IDH2: variants seen among roughly 807,000 people sequenced by gnomAD.
The protein encoded by IDH2 is isocitrate dehydrogenase (NADP(+)) 2, also known as isocitrate dehydrogenase [NADP], mitochondrial.
In IDH2, 18 loss-of-function variants were observed where a neutral mutation model predicts 50.5. The ratio of observed to expected loss-of-function variants is 0.36; its 90% CI spans 0.25 to 0.53. The LOEUF is 0.53. Ranked by LOEUF, IDH2 falls within the 20% of genes least tolerant of loss-of-function variation. The pLI, the probability that IDH2 is intolerant of heterozygous loss-of-function variation, is 0.92. For missense variants in IDH2, 518 were observed against 610.7 expected, an observed-to-expected ratio of 0.85 and a Z score of 1.60; for synonymous variants, 280 against 239.8, an observed-to-expected ratio of 1.17 and a Z score of -1.55.
chr15:90,097,831 C>A (rs556197207), intron 1 of IDH2, among the ~76,000 whole-genome samples: 1 of 152,078 alleles, frequency 6.6e-6, no homozygotes, highest in Non-Finnish European at 1.5e-5. Context: ...ACGTTTTTTA[C>A]CAAAATAATA....
rs1165095634 is a variant in IDH2, at chr15:90,087,429, G to A, written c.815+10C>T. ...AAGAAAGGCCACAGAGTACATGGAT[G>A]AGGCTTTACTTGTCAAAGATCTCCT... On this transcript the variant is annotated intron_variant, in intron 6 of 10. Coordinates refer to ENST00000330062, the MANE Select transcript of IDH2 (RefSeq NM_002168.4). The A allele has an allele frequency of 4.3e-6, 7 of 1,614,128 alleles. No individual in the cohort carries two copies. The South Asian group carries it at 7.7e-5, about 18-fold the overall frequency.
intron 1 of IDH2, among the ~76,000 whole-genome samples, chr15:90,093,377 C>G (rs536140896): frequency 1.3e-5 from 2 of 152,288 alleles, no homozygotes; most frequent in Middle Eastern, 3.4e-3. Flanking sequence ...CTATGAGCTA[C>G]GCTGTGTAGC....
intron 5 of IDH2, among the ~76,000 whole-genome samples, chr15:90,087,997 A>T (rs1362336734): frequency 6.6e-6 from 1 of 152,014 alleles, no homozygotes; most frequent in East Asian, 1.9e-4. Flanking sequence ...TCAGCCTGGC[A>T]TTGGAGCTGG....
chr15:90,089,655 G>A (rs928893776), intron 3 of IDH2, among the ~76,000 whole-genome samples: 1 of 152,232 alleles, frequency 6.6e-6, no homozygotes, highest in South Asian at 2.1e-4. Context: ...ATTTGCAGAT[G>A]TATCTCGAGT....
At chr15:90,092,409 TTC>T (rs1223196235) in intron 1 of IDH2, among the ~76,000 whole-genome samples, 6 of 67,254 alleles carry the variant, frequency 8.9e-5, no homozygotes, top group Non-Finnish European at 1.7e-4. Context: ...CTTCCTCCCT[TTC>T]TCTCTCTCTT....
rs549177872 is a variant in IDH2 at position 90,102,375 on chromosome 15, G to A, written c.16C>T (p.Arg6Trp). ...GCTCTGCAGAGCGAGCGCACGACCCGCAGGTAGCCGGCCATCCCAAGCTGG... is the reference window on the plus strand; with the variant it reads ...GCTCTGCAGAGCGAGCGCACGACCCACAGGTAGCCGGCCATCCCAAGCTGG... Reference protein sequence around the residue: MAGYLRVVRSLCRASG... With the variant: MAGYLWVVRSLCRASG... The change falls in exon 1 of 11, where the codon CGG becomes TGG. Residue 6 changes from arginine to tryptophan, a missense_variant. Arg to Trp is a moderately radical substitution (Grantham distance 101). This residue lies in a region of IDH2 where 85 missense variants were observed against 66.9 expected (regional missense o/e 1.27). Coordinates refer to ENST00000330062, the MANE Select transcript of IDH2 (RefSeq NM_002168.4). 2.2e-6 allele frequency: 3 copies of A among 1,360,570 alleles called. No individual in the cohort carries two copies. The highest frequency in any genetic ancestry group is 1.6e-5 in the South Asian group (1 of 61,832). The allele number at this position is 1,360,570 out of a possible 1,614,324, so 84.3% of individuals were successfully genotyped here. A position where few individuals can be genotyped will look rare whatever the true frequency, so the allele number is the denominator to read the frequency against.
At position 90,094,059 on chromosome 15, in the gene IDH2, G is replaced by A. The variant is rs376568228; in HGVS notation, c.116-2415C>T. Reference sequence around the variant, plus strand: ...GGAAGGACAGGCTTACAGCACCTGCGAATGGAACTCAGAACCCTTGATCCC... The same window carrying A: ...GGAAGGACAGGCTTACAGCACCTGCAAATGGAACTCAGAACCCTTGATCCC... On this transcript the variant is annotated intron_variant, in intron 1 of 10. Coordinates refer to ENST00000330062, the MANE Select transcript of IDH2 (RefSeq NM_002168.4). 6.6e-5 allele frequency among the ~76,000 whole-genome samples: 10 copies of A among 152,280 alleles called. No homozygotes were observed. In the East Asian group the frequency reaches 9.6e-4, roughly 15 times the overall value.
At chr15:90,092,814 G>C (rs1380175928) in intron 1 of IDH2, among the ~76,000 whole-genome samples, 2 of 152,296 alleles carry the variant, frequency 1.3e-5, no homozygotes, top group East Asian at 3.9e-4. Context: ...CTGACCTCAA[G>C]TGATCCACCT....
intron 1 of IDH2, among the ~76,000 whole-genome samples, chr15:90,094,692 G>A (rs1464767353): frequency 1.3e-5 from 2 of 152,166 alleles, no homozygotes; most frequent in African/African-American, 4.8e-5. Flanking sequence ...GATCACTCAA[G>A]GTAAGGAGTT....
chr15:90,089,186 T>A (rs1453662164), intron 3 of IDH2, among the ~76,000 whole-genome samples: 4 of 152,028 alleles, frequency 2.6e-5, no homozygotes, highest in Non-Finnish European at 5.9e-5. Flanking sequence ...AGTGCTGGGA[T>A]TACAGGTGTG....
Position 90,100,622 on chromosome 15 carries a change from A to G in IDH2, c.115+1654T>C. 2 of 985,428 alleles carry G rather than the reference A, an allele frequency of 2.0e-6. No individual in the cohort carries two copies. The highest frequency in any genetic ancestry group is 2.4e-6 in the Non-Finnish European group (2 of 829,928). The allele number at this position is 985,428 out of a possible 1,614,324, so 61.0% of individuals were successfully genotyped here. ...CTGGAAGCCTATGGCGTTGCAAAAT[A>G]GGAAAAGATGCGTGCAGGAATTACC... On this transcript the variant is annotated intron_variant, in intron 1 of 10. Coordinates refer to ENST00000330062, the MANE Select transcript of IDH2 (RefSeq NM_002168.4). The surrounding 1 kb of genome is among the most constrained non-coding windows in gnomAD (Gnocchi z 4.1).
In IDH2 at chr15:90,084,510, G is replaced by A. The variant is rs564771834; in HGVS notation, c.1272-157C>T. On this transcript the variant is annotated intron_variant, in intron 10 of 10. Transcript: ENST00000330062. The surrounding 1 kb of genome is among the most constrained non-coding windows in gnomAD (Gnocchi z 5.0). ...GAGGCCAGCTATAGCCCCCTACCAT[G>A]AGGCCACCGAGATTCGGCAGGCACC... is the stretch of plus-strand genomic sequence containing the variant. Among the ~76,000 whole-genome samples the A allele has an allele frequency of 1.3e-5, 2 of 152,288 alleles. No individual in the cohort carries two copies. The highest frequency in any genetic ancestry group is 1.9e-4 in the East Asian group (1 of 5,182).
chr15:90,095,472 TA>T (rs10622800), intron 1 of IDH2, among the ~76,000 whole-genome samples: 2,155 of 143,328 alleles, frequency 0.015, 35 homozygotes, highest in African/African-American at 0.046. Flanking sequence ...TCAAATTTGT[TA>T]AAAAAAAAAA....
chr15:90,090,429 G>A, intron 3 of IDH2, 50 bp downstream of exon 3: 4 of 1,599,012 alleles, frequency 2.5e-6, no homozygotes, highest in African/African-American at 1.3e-5. Context: ...AGAGGCCGGT[G>A]GGAGAAGCCT....
rs1900773023 is a variant in IDH2, at chr15:90,083,350, C to G, written c.*916G>C. 6.6e-6 allele frequency: 1 copy of G among 152,066 alleles called. No individual in the cohort carries two copies. The highest frequency in any genetic ancestry group is 1.9e-4 in the East Asian group (1 of 5,160). The allele number at this position is 152,066 out of a possible 1,614,324, so 9.4% of individuals were successfully genotyped here. On this transcript the variant is annotated 3_prime_UTR_variant, in exon 11 of 11. Transcript: ENST00000330062. ...GTTTCACCATGTTGGCCAGGCTGGT[C>G]TCGAACTCCTGGCCTCAAGTGATCC...
chr15:90,090,903 G>A (rs1901017906), intron 2 of IDH2, among the ~76,000 whole-genome samples: 4 of 152,170 alleles, frequency 2.6e-5, no homozygotes, highest in Admixed American at 2.6e-4. Context: ...TTCCTCCACT[G>A]TGCCTGTGTG....
intron 6 of IDH2, 44 bp downstream of exon 6, chr15:90,087,392 TGGG>T (rs763991101): frequency 1.5e-5 from 24 of 1,612,706 alleles, no homozygotes; most frequent in Non-Finnish European, 2.0e-5. Flanking sequence ...GGGAACAGCA[TGGG>T]GGGAAGGGAA....
chr15:90,089,489 G>A (rs1900974912), intron 3 of IDH2, among the ~76,000 whole-genome samples: 1 of 152,036 alleles, frequency 6.6e-6, no homozygotes, highest in East Asian at 1.9e-4. Context: ...TGGCCCCAAC[G>A]CCACCCCAGT....
At chr15:90,102,243 C>T (rs951711794) in intron 1 of IDH2, 33 bp downstream of exon 1, 6 of 970,980 alleles carry the variant, frequency 6.2e-6, no homozygotes, top group Non-Finnish European at 7.9e-6. Context: ...GCTGGGGGCG[C>T]GCGCCTGCCT....
Sources: allele counts gnomAD v4.1 joint callset (sites outside exome capture counted in the v4.1 genomes callset), GRCh38; gene constraint gnomAD v4.1.1; regional missense constraint gnomAD v4.1.1; non-coding constraint Gnocchi (gnomAD v3.1); transcripts MANE v1.5; gene names NCBI Gene and HGNC (gene_info 2026-07-23, HGNC 2026-07-21).